Variants in KLF12 observed in about 807,000 individuals in gnomAD.
KLF12 encodes the protein Krueppel-like factor 12.
A neutral mutation model predicts 37.8 loss-of-function variants in KLF12; 9 were observed. That is an observed-to-expected ratio of 0.24 (90% CI 0.14 to 0.42). The LOEUF is 0.42. Among genes scored for constraint, KLF12 ranks in the 10% least tolerant of loss-of-function variants. KLF12 has a pLI of 1.00. For synonymous variants in KLF12, 208 were observed against 202.1 expected (o/e 1.03, Z -0.25); for missense variants, 411 against 516.0 (o/e 0.80, Z 1.97).
At chr13:74,198,573 A>T in the KLF12 span, among the ~76,000 whole-genome samples, 1 of 152,198 alleles carries the variant, frequency 6.6e-6, no homozygotes, top group Non-Finnish European at 1.5e-5. Context: ...GACTAGTCTT[A>T]TGCCTGTTGA....
intron 6 of KLF12, among the ~76,000 whole-genome samples, chr13:73,748,364 A>T (rs1297076588): frequency 6.6e-6 from 1 of 152,180 alleles, no homozygotes; most frequent in East Asian, 1.9e-4. Flanking sequence ...GTGTCCCCCA[A>T]AATTCACACG....
chr13:73,878,095 G>C (rs1417163104), intron 3 of KLF12, among the ~76,000 whole-genome samples: 1 of 152,096 alleles, frequency 6.6e-6, no homozygotes, highest in Non-Finnish European at 1.5e-5. Context: ...TAAAATAGCA[G>C]TAACTCCATT....
rs11840679 is a variant in KLF12 at position 73,928,301 on chromosome 13, C to T, written c.123+15680G>A. On this transcript the variant is annotated intron_variant, in intron 3 of 7. Transcript: ENST00000377669. ...AAGGTTAAGTGTTAGAAGTTCTAGG[C>T]GATAATCTCACAATGGTTACAATTA... is the stretch of plus-strand genomic sequence containing the variant. Among the ~76,000 whole-genome samples, 885 of 152,234 alleles carry T rather than the reference C, an allele frequency of 5.8e-3. 13 individuals are homozygous for T. The highest frequency in any genetic ancestry group is 0.019 in the African/African-American group (809 of 41,540).
At chr13:74,238,751 A>G in the KLF12 span, among the ~76,000 whole-genome samples, 14 of 151,630 alleles carry the variant, frequency 9.2e-5, no homozygotes, top group Non-Finnish European at 4.4e-5. Flanking sequence ...GTATTCTCTG[A>G]TGGTAGTTTG....
At chr13:74,080,645 G>T (rs999231790) in intron 1 of KLF12, among the ~76,000 whole-genome samples, 2 of 152,096 alleles carry the variant, frequency 1.3e-5, no homozygotes, top group African/African-American at 4.8e-5. Flanking sequence ...TTTCTAAAAA[G>T]CTTCCCAGGA....
intron 3 of KLF12, among the ~76,000 whole-genome samples, chr13:73,928,178 G>A (rs893589394): frequency 6.6e-6 from 1 of 152,166 alleles, no homozygotes; most frequent in African/African-American, 2.4e-5. Flanking sequence ...TTAAGTCCAC[G>A]ATGATTTCTG....
chr13:73,740,199 G>A (rs1877868136), intron 6 of KLF12, among the ~76,000 whole-genome samples: 1 of 152,196 alleles, frequency 6.6e-6, no homozygotes, highest in South Asian at 2.1e-4. Flanking sequence ...GCCCTCATGA[G>A]TATTAGTGCC....
At chr13:74,255,937 C>T in the KLF12 span, among the ~76,000 whole-genome samples, 28 of 152,004 alleles carry the variant, frequency 1.8e-4, no homozygotes, top group Non-Finnish European at 2.9e-5. Context: ...GGGTGGATCA[C>T]GAGGTCAGGA....
chr13:74,234,316 A>G, the KLF12 span, among the ~76,000 whole-genome samples: 1 of 152,230 alleles, frequency 6.6e-6, no homozygotes, highest in South Asian at 2.1e-4. Flanking sequence ...GGTAGAATTC[A>G]AATTTTAGAA....
At chr13:74,287,261 C>T in the KLF12 span, among the ~76,000 whole-genome samples, 10 of 151,518 alleles carry the variant, frequency 6.6e-5, no homozygotes, top group African/African-American at 2.4e-4. Flanking sequence ...TCGGCAGAAT[C>T]GTGTGCCAGA....
intron 1 of KLF12, among the ~76,000 whole-genome samples, chr13:74,118,128 A>G (rs1360843001): frequency 6.6e-6 from 1 of 152,164 alleles, no homozygotes; most frequent in Non-Finnish European, 1.5e-5. Flanking sequence ...AGACAAATAT[A>G]TTAAAGTATT....
At chr13:74,169,123 C>T in the KLF12 span, among the ~76,000 whole-genome samples, 1 of 152,064 alleles carries the variant, frequency 6.6e-6, no homozygotes, top group South Asian at 2.1e-4. Flanking sequence ...ATGTTATTGA[C>T]TAATTATGGA....
intron 3 of KLF12, among the ~76,000 whole-genome samples, chr13:73,900,779 G>C (rs1339386981): frequency 6.6e-6 from 1 of 151,864 alleles, no homozygotes; most frequent in African/African-American, 2.4e-5. Flanking sequence ...CACTGTATTG[G>C]CTCACTAGAT....
At chr13:74,125,014 C>T (rs1877854514) in intron 1 of KLF12, among the ~76,000 whole-genome samples, 1 of 151,832 alleles carries the variant, frequency 6.6e-6, no homozygotes, top group Non-Finnish European at 1.5e-5. Context: ...GTCATGGTGG[C>T]ACACACCTGA....
At chr13:74,069,891 A>G (rs1477046127) in intron 1 of KLF12, among the ~76,000 whole-genome samples, 1 of 152,242 alleles carries the variant, frequency 6.6e-6, no homozygotes, top group African/African-American at 2.4e-5. Flanking sequence ...AAATGAAGGC[A>G]TTTTAAAGCA....
chr13:74,017,694 A>C (rs1017487230), intron 1 of KLF12, among the ~76,000 whole-genome samples: 1 of 152,032 alleles, frequency 6.6e-6, no homozygotes, highest in Non-Finnish European at 1.5e-5. Flanking sequence ...GTCAAAAAAG[A>C]CAGAAATGAT....
intron 1 of KLF12, among the ~76,000 whole-genome samples, chr13:74,041,732 A>ACACCCC (rs1491104377): frequency 7.2e-6 from 1 of 139,514 alleles, no homozygotes; most frequent in African/African-American, 2.7e-5. Flanking sequence ...ACACACACAC[A>ACACCCC]CCCCTTCAAA....
intron 2 of KLF12, among the ~76,000 whole-genome samples, chr13:73,956,335 T>G (rs1386449902): frequency 2.6e-5 from 4 of 152,214 alleles, no homozygotes; most frequent in African/African-American, 9.6e-5. Context: ...GAGAGTATAT[T>G]TGAGGAAGTC....
chr13:73,698,599 A>G (rs1417162070), intron 7 of KLF12, among the ~76,000 whole-genome samples: 1 of 152,234 alleles, frequency 6.6e-6, no homozygotes, highest in Non-Finnish European at 1.5e-5. Context: ...AAACAAGAGG[A>G]ATATTTTATG....
Sources: gnomAD v4.1 joint callset for allele counts (sites outside exome capture counted in the v4.1 genomes callset) on GRCh38, gnomAD v4.1.1 for gene constraint, MANE v1.5 for transcripts, NCBI Gene and HGNC (gene_info 2026-07-23, HGNC 2026-07-21) for gene names.